CDH23: variants seen among roughly 807,000 people sequenced by gnomAD.
The protein encoded by CDH23 is cadherin related 23, also known as cadherin-23.
Under a neutral mutation model 317.1 loss-of-function variants are expected in CDH23, and 189 were observed. That is an observed-to-expected ratio of 0.60 (90% CI 0.53 to 0.67). CDH23 has a LOEUF of 0.67. Among genes scored for constraint, CDH23 ranks in the 30% least tolerant of loss-of-function variants. The pLI is 0.00. For missense variants in CDH23, 4,401 were observed against 4,592.4 expected, an observed-to-expected ratio of 0.96 and a Z score of 1.20; for synonymous variants, 1,839 against 1,876.8, an observed-to-expected ratio of 0.98 and a Z score of 0.52.
At chr10:71,674,203 C>T (rs1019812777) in intron 14 of CDH23, among the ~76,000 whole-genome samples, 3 of 152,162 alleles carry the variant, frequency 2.0e-5, no homozygotes, top group Admixed American at 6.5e-5. Flanking sequence ...ATATTTTTCA[C>T]TTATCTGCCT....
At chr10:71,787,751 T>C (rs1841143681) in intron 44 of CDH23, among the ~76,000 whole-genome samples, 1 of 152,242 alleles carries the variant, frequency 6.6e-6, no homozygotes, top group South Asian at 2.1e-4. Context: ...TAGTATTCCA[T>C]GGTCTATATA....
chr10:71,447,135 C>A (rs552634315), intron 3 of CDH23, among the ~76,000 whole-genome samples: 1 of 152,144 alleles, frequency 6.6e-6, no homozygotes, highest in Non-Finnish European at 1.5e-5. Context: ...TTCTTACTCT[C>A]GGGTCTGCCA....
intron 9 of CDH23, among the ~76,000 whole-genome samples, chr10:71,601,661 G>T (rs1243662754): frequency 6.6e-6 from 1 of 152,166 alleles, no homozygotes; most frequent in African/African-American, 2.4e-5. Context: ...GGGGTGCTGG[G>T]TGTGCTGGAC....
In CDH23 at chr10:71,521,949, A is replaced by G. The variant is rs1486707933; in HGVS notation, c.429+10737A>G. Among the ~76,000 whole-genome samples the G allele has an allele frequency of 3.9e-5, 6 of 152,264 alleles. No homozygotes were observed. The South Asian group carries it at 1.0e-3, about 26-fold the overall frequency. ...TCGCCTGCCTGTGCACAGTAAGACA[A>G]GTGCAGCTCAACCCTGAGTCTTGGG... On this transcript the variant is annotated intron_variant, in intron 6 of 69. Transcript: ENST00000224721.
chr10:71,700,683 C>T (rs1216911260), intron 22 of CDH23, among the ~76,000 whole-genome samples: 2 of 152,178 alleles, frequency 1.3e-5, no homozygotes, highest in Non-Finnish European at 2.9e-5. Context: ...AGAGGAGGGC[C>T]GAGCAGTCCC....
intron 38 of CDH23, chr10:71,760,771 TG>T: frequency 8.6e-7 from 1 of 1,158,448 alleles, no homozygotes; most frequent in Non-Finnish European, 1.3e-6. Context: ...TCTGAGGGCT[TG>T]GGGTGATGAG....
Position 71,439,913 on chromosome 10 carries a change from C to T in CDH23, c.67+15C>T, listed in dbSNP as rs1343826432. ...TGGATGCTGGGGTAAGTCCAGTCCTCCCCGTGTCTATCCCATGGGCAGCCT... is the reference window on the plus strand; with the variant it reads ...TGGATGCTGGGGTAAGTCCAGTCCTTCCCGTGTCTATCCCATGGGCAGCCT... On this transcript the variant is annotated intron_variant, in intron 2 of 69. Coordinates refer to ENST00000224721, the MANE Select transcript of CDH23 (RefSeq NM_022124.6). 4 of 1,563,050 alleles carry T rather than the reference C, an allele frequency of 2.6e-6. No individual in the cohort carries two copies. The South Asian group carries it at 3.5e-5, about 14-fold the overall frequency.
chr10:71,798,559 G>A lies in CDH23; in HGVS notation c.7035G>A (p.Gln2345=), dbSNP rs775883486. The change falls in exon 50 of 70, where the codon CAG becomes CAA. Residue 2345 remains glutamine, a synonymous_variant. Coordinates refer to ENST00000224721, the MANE Select transcript of CDH23 (RefSeq NM_022124.6). The stretch of plus-strand genomic sequence containing the variant: ...ACCTGGTGCCCCCAGGGTATGTCCA[G>A]CTGGAGGACTCCTCGGCAGGTAGGT... ...LLDLVPPGYV[Q]LEDSSAGKVI... 1 of 1,611,614 alleles carries A rather than the reference G, an allele frequency of 6.2e-7. No homozygotes were observed. The highest frequency in any genetic ancestry group is 1.7e-5 in the Admixed American group (1 of 59,870).
At position 71,784,906 on chromosome 10, in the gene CDH23, C is replaced by G; in HGVS notation, c.5518C>G (p.Arg1840Gly). 1 of 1,613,768 alleles carries G rather than the reference C, an allele frequency of 6.2e-7. No homozygotes were observed. Among genetic ancestry groups the G allele is most frequent in the Non-Finnish European group, 8.5e-7 (1 of 1,179,670 alleles). ...PLSSTMLVGI[R>G]VLDINDNDPV... ...ACTGGCCCAGATGCTGGTGGGGATC[C>G]GGGTGCTGGACATCAACGACAACGA... is the stretch of plus-strand genomic sequence containing the variant. The change falls in exon 43 of 70, where the codon CGG (arginine) becomes GGG (glycine). Residue 1840 changes from arginine to glycine, a missense_variant. Physicochemically the swap from Arg to Gly is moderately radical, Grantham distance 125. Transcript: ENST00000224721.
At chr10:71,773,019 G>A (rs370927213) in intron 38 of CDH23, among the ~76,000 whole-genome samples, 2 of 152,168 alleles carry the variant, frequency 1.3e-5, no homozygotes, top group Non-Finnish European at 2.9e-5. Context: ...CACACTGACC[G>A]CCCCCACCCT....
chr10:71,755,554 G>A (rs1840119538), intron 38 of CDH23: 1 of 1,253,086 alleles, frequency 8.0e-7, no homozygotes, highest in African/African-American at 1.5e-5. Flanking sequence ...GGAAGGCCAG[G>A]AAGCAGGAGA....
At chr10:71,427,858 G>A (rs555388388) in intron 1 of CDH23, among the ~76,000 whole-genome samples, 27 of 151,118 alleles carry the variant, frequency 1.8e-4, no homozygotes, top group Non-Finnish European at 3.2e-4. Flanking sequence ...GACTGCAGGC[G>A]CATGCTGCTA....
chr10:71,553,313 C>G (rs557813200), intron 6 of CDH23, among the ~76,000 whole-genome samples: 146 of 152,288 alleles, frequency 9.6e-4, no homozygotes, highest in African/African-American at 3.5e-3. Context: ...TCCTCAAACC[C>G]CCCGGCCCTC....
intron 30 of CDH23, among the ~76,000 whole-genome samples, chr10:71,730,011 T>A (rs1410401231): frequency 6.6e-6 from 1 of 152,068 alleles, no homozygotes; most frequent in Non-Finnish European, 1.5e-5. Flanking sequence ...ATTTTTTGTA[T>A]TTTTAGTAGA....
chr10:71,634,464 G>T (rs1374267709), intron 11 of CDH23, among the ~76,000 whole-genome samples: 1 of 152,258 alleles, frequency 6.6e-6, no homozygotes, highest in African/African-American at 2.4e-5. Flanking sequence ...AGAGTGATGA[G>T]GTTCAAATTA....
At chr10:71,584,136 A>G (rs985858560) in intron 9 of CDH23, among the ~76,000 whole-genome samples, 7 of 152,158 alleles carry the variant, frequency 4.6e-5, no homozygotes, top group African/African-American at 1.7e-4. Context: ...TGGCGGCAAA[A>G]TTTTGTACTG....
At chr10:71,619,837 G>A (rs573352266) in intron 11 of CDH23, among the ~76,000 whole-genome samples, 15 of 152,338 alleles carry the variant, frequency 9.8e-5, no homozygotes, top group Admixed American at 5.9e-4. Flanking sequence ...TTGTGTGGGG[G>A]CAGCACAAGC....
intron 11 of CDH23, among the ~76,000 whole-genome samples, chr10:71,643,308 G>C (rs971541319): frequency 6.6e-6 from 1 of 152,216 alleles, no homozygotes; most frequent in Admixed American, 6.5e-5. Flanking sequence ...CTGGGCTCAG[G>C]GGGAGAGGGA....
intron 6 of CDH23, among the ~76,000 whole-genome samples, chr10:71,535,781 C>T (rs1255489539): frequency 3.3e-5 from 5 of 152,308 alleles, no homozygotes; most frequent in African/African-American, 4.8e-5. Context: ...GTCCCATGTG[C>T]CCTGAGGACA....
Sources: allele counts gnomAD v4.1 joint callset (sites outside exome capture counted in the v4.1 genomes callset), GRCh38; gene constraint gnomAD v4.1.1; transcripts MANE v1.5; gene names NCBI Gene and HGNC (gene_info 2026-07-23, HGNC 2026-07-21).